DYNAP: variants seen among roughly 807,000 people sequenced by gnomAD.
The protein encoded by DYNAP is dynactin associated protein.
DYNAP carries 7 observed loss-of-function variants against 8.5 expected under a neutral mutation model. That is an observed-to-expected ratio of 0.82 (90% CI 0.47 to 1.54). The LOEUF is 1.54. Ranked by LOEUF, DYNAP falls within the 40% of genes most tolerant of loss-of-function variation. The pLI is 0.01. For missense variants in DYNAP, 256 were observed against 224.3 expected, an observed-to-expected ratio of 1.14 and a Z score of -0.90; for synonymous variants, 77 against 77.9, an observed-to-expected ratio of 0.99 and a Z score of 0.06.
chr18:54,591,044 AG>A, upstream of DYNAP: 1 of 591,556 alleles, frequency 1.7e-6, no homozygotes, highest in Non-Finnish European at 2.7e-6. Context: ...TAGTCACAAA[AG>A]CTTTCAGAGG....
At chr18:54,582,767 G>A (rs142294099), upstream of DYNAP, among the ~76,000 whole-genome samples, 181 of 152,206 alleles carry the variant, frequency 1.2e-3, 1 homozygote, top group African/African-American at 4.3e-3. Context: ...TCTCTTTTGA[G>A]CTATTTCTTC....
In DYNAP at chr18:54,597,777, G is replaced by T. The variant is rs1342794948; in HGVS notation, c.223-36G>T. 17 of 1,552,334 alleles carry T rather than the reference G, an allele frequency of 1.1e-5. No homozygotes were observed. The Admixed American group carries it at 2.8e-4, about 25-fold the overall frequency. On this transcript the variant is annotated intron_variant, in intron 2 of 2. Coordinates refer to ENST00000648945, the MANE Select transcript of DYNAP (RefSeq NM_173629.3). ...GAGATGATAAATTACAAGCATTTTT[G>T]TTTTTCATTGCTGATATTTTTATAT... is the stretch of plus-strand genomic sequence containing the variant.
intron 2 of DYNAP, 149 bp from the exon 3 acceptor site, chr18:54,597,664 G>A (rs1911353657): frequency 2.4e-6 from 2 of 817,372 alleles, no homozygotes; most frequent in African/African-American, 1.8e-5. Flanking sequence ...ATTTCCACCT[G>A]CATGAAAACA....
At chr18:54,577,741 G>A in the DYNAP span, among the ~76,000 whole-genome samples, 60 of 151,374 alleles carry the variant, frequency 4.0e-4, 1 homozygote, top group South Asian at 2.2e-4. Context: ...AGGCCGAGGC[G>A]GGCAGATCAC....
chr18:54,582,141 C>T, the DYNAP span, among the ~76,000 whole-genome samples: 107 of 152,188 alleles, frequency 7.0e-4, no homozygotes, highest in Middle Eastern at 0.01. Flanking sequence ...AAAAAATTAG[C>T]CAAGCGTGGT....
chr18:54,584,030 G>GA (rs574777100), upstream of DYNAP, among the ~76,000 whole-genome samples: 37 of 150,394 alleles, frequency 2.5e-4, no homozygotes, highest in South Asian at 1.0e-3. Context: ...AAGAAAAAGT[G>GA]AAAAAAAACA....
At chr18:54,595,561 CTT>C (rs1356902277) in intron 2 of DYNAP, among the ~76,000 whole-genome samples, 2 of 152,108 alleles carry the variant, frequency 1.3e-5, no homozygotes, top group Non-Finnish European at 2.9e-5. Context: ...GTGTGTGGCA[CTT>C]TCTTTAGCTC....
chr18:54,596,715 G>T (rs1911305360), intron 2 of DYNAP, among the ~76,000 whole-genome samples: 2 of 152,028 alleles, frequency 1.3e-5, no homozygotes, highest in South Asian at 4.1e-4. Context: ...TCCACTAAAG[G>T]GCTCTTTTTA....
At chr18:54,583,212 C>T (rs2144879413), upstream of DYNAP, among the ~76,000 whole-genome samples, 1 of 152,090 alleles carries the variant, frequency 6.6e-6, no homozygotes, top group East Asian at 1.9e-4. Context: ...CTCTGACCTG[C>T]TGGGTGGTCA....
intron 2 of DYNAP, among the ~76,000 whole-genome samples, chr18:54,596,713 A>C (rs528253503): frequency 1.5e-4 from 23 of 152,134 alleles, no homozygotes; most frequent in Admixed American, 3.9e-4. Context: ...ATTCCACTAA[A>C]GGGCTCTTTT....
At chr18:54,583,758 A>G (rs2144879820), upstream of DYNAP, among the ~76,000 whole-genome samples, 1 of 152,328 alleles carries the variant, frequency 6.6e-6, no homozygotes. Flanking sequence ...TGTGCTGTCA[A>G]TATTTTTAGC....
the DYNAP span, among the ~76,000 whole-genome samples, chr18:54,575,834 C>T: frequency 6.6e-6 from 1 of 152,102 alleles, no homozygotes; most frequent in Non-Finnish European, 1.5e-5. Context: ...CATGCACACA[C>T]ACGTGCCCGT....
chr18:54,577,438 G>T, the DYNAP span, among the ~76,000 whole-genome samples: 2 of 151,882 alleles, frequency 1.3e-5, no homozygotes, highest in Non-Finnish European at 2.9e-5. Context: ...AAAATTAGCA[G>T]GGCATGGTGG....
chr18:54,589,726 T>C (rs532744413), upstream of DYNAP, among the ~76,000 whole-genome samples: 1 of 152,282 alleles, frequency 6.6e-6, no homozygotes, highest in African/African-American at 2.4e-5. Context: ...ACTTCCACTG[T>C]GGCTATGTGG....
At position 54,593,381 on chromosome 18, in the gene DYNAP, C is replaced by A. The variant is rs181675442; in HGVS notation, c.58-1558C>A. ...GGCAGTAGCGGTAGTAATTAAAATA[C>A]TATTACTAATAACAAGAATGATAGT... On this transcript the variant is annotated intron_variant, in intron 1 of 2. Transcript: ENST00000648945. Among the ~76,000 whole-genome samples the A allele has an allele frequency of 5.5e-4, 84 of 152,022 alleles. 3 individuals are homozygous for A. Among genetic ancestry groups the A allele is most frequent in the South Asian group, 2.1e-4 (1 of 4,822 alleles).
At chr18:54,588,762 A>G (rs1469977468), upstream of DYNAP, among the ~76,000 whole-genome samples, 2 of 152,196 alleles carry the variant, frequency 1.3e-5, no homozygotes, top group African/African-American at 2.4e-5. Flanking sequence ...AATACAATAA[A>G]GAACATGCTA....
intron 2 of DYNAP, among the ~76,000 whole-genome samples, chr18:54,596,037 T>C (rs756958749): frequency 6.6e-6 from 1 of 152,074 alleles, no homozygotes; most frequent in Non-Finnish European, 1.5e-5. Flanking sequence ...TTCAATAACA[T>C]TGAGTCTGCT....
upstream of DYNAP, chr18:54,587,889 C>T (rs532844810): frequency 2.5e-6 from 1 of 400,722 alleles, no homozygotes; most frequent in Admixed American, 4.4e-5. Flanking sequence ...TTCCTAGTCG[C>T]TGTGCTCAAA....
At position 54,598,101 on chromosome 18, in the gene DYNAP, A is replaced by G. The variant is rs147920252; in HGVS notation, c.511A>G (p.Thr171Ala). ...AACTTCAACAGCTACAGCTGCCACC[A>G]CTTCCACAGAACCTATAACTGTTGC... ...STTSTATAAT[T>A]STEPITVAPT... The change falls in exon 3 of 3, where the codon ACT (threonine) becomes GCT (alanine). Residue 171 changes from threonine to alanine, a missense_variant. By Grantham distance (58) the Thr-to-Ala change is moderately conservative. Coordinates refer to ENST00000648945, the MANE Select transcript of DYNAP (RefSeq NM_173629.3). The G allele has an allele frequency of 6.8e-5, 109 of 1,613,094 alleles. No individual in the cohort carries two copies. The highest frequency in any genetic ancestry group is 8.6e-5 in the Non-Finnish European group (102 of 1,179,624).
Sources: gnomAD v4.1 joint callset for allele counts (sites outside exome capture counted in the v4.1 genomes callset) on GRCh38, gnomAD v4.1.1 for gene constraint, MANE v1.5 for transcripts, NCBI Gene and HGNC (gene_info 2026-07-23, HGNC 2026-07-21) for gene names.